Variants in PCSK2 observed in about 807,000 individuals in gnomAD.
PCSK2 encodes the protein neuroendocrine convertase 2.
In PCSK2, 14 loss-of-function variants were observed where a neutral mutation model predicts 69.7. The ratio of observed to expected loss-of-function variants is 0.20; its 90% CI spans 0.13 to 0.31. PCSK2 has a LOEUF of 0.31. PCSK2 is among the 10% of genes least tolerant of loss of function. The pLI, the probability that PCSK2 is intolerant of heterozygous loss-of-function variation, is 1.00. For synonymous variants in PCSK2, 307 were observed against 320.7 expected (o/e 0.96, Z 0.46); for missense variants, 544 against 842.5 (o/e 0.65, Z 4.39).
intron 2 of PCSK2, among the ~76,000 whole-genome samples, chr20:17,272,537 T>G (rs541802171): frequency 1.3e-5 from 2 of 152,240 alleles, no homozygotes; most frequent in African/African-American, 4.8e-5. Context: ...CTGTCAAGAT[T>G]TTATTAGATT....
At chr20:17,325,489 A>G (rs1304655259) in intron 2 of PCSK2, among the ~76,000 whole-genome samples, 1 of 152,184 alleles carries the variant, frequency 6.6e-6, no homozygotes, top group Non-Finnish European at 1.5e-5. Context: ...CCAAAGAAAT[A>G]CTTTTTTAAT....
Position 17,360,656 on chromosome 20 carries a change from C to T in PCSK2, c.505+16C>T. On this transcript the variant is annotated intron_variant, in intron 4 of 11. Coordinates refer to ENST00000262545, the MANE Select transcript of PCSK2 (RefSeq NM_002594.5). ...ATGGATGATGGTGAGTATTTTGAAG[C>T]CTGTGCCTCATTTGGAAATAAGCGT... 6.9e-7 allele frequency: 1 copy of T among 1,446,208 alleles called. No individual in the cohort carries two copies. 89.6% of individuals were successfully genotyped at this position (1,446,208 alleles called of 1,614,324 possible).
At chr20:17,431,553 A>C (rs7260694) in intron 7 of PCSK2, among the ~76,000 whole-genome samples, 73,698 of 151,910 alleles carry the variant, frequency 0.49, 18,523 homozygotes, top group South Asian at 0.67. Context: ...CCAAGAACAG[A>C]CATCCAAAGA....
intron 2 of PCSK2, among the ~76,000 whole-genome samples, chr20:17,347,848 GAAAGAAAGA>G: frequency 9.1e-6 from 1 of 110,208 alleles, no homozygotes; most frequent in Non-Finnish European, 1.9e-5. Context: ...AAGAAAGAAA[GAAAGAAAGA>G]AAGAGGAGAG....
At chr20:17,367,151 A>C (rs954672843) in intron 4 of PCSK2, among the ~76,000 whole-genome samples, 9 of 152,014 alleles carry the variant, frequency 5.9e-5, no homozygotes. Context: ...AATTATCAAA[A>C]TTTTTCACCC....
intron 2 of PCSK2, among the ~76,000 whole-genome samples, chr20:17,303,558 T>TATTTAATAAA (rs1989225738): frequency 1.9e-5 from 2 of 104,116 alleles, no homozygotes; most frequent in African/African-American, 7.7e-5. Context: ...ATATAATATA[T>TATTTAATAAA]ATTATATAAT....
chr20:17,276,473 CACACACAT>C (rs1017541588), intron 2 of PCSK2, among the ~76,000 whole-genome samples: 1 of 151,844 alleles, frequency 6.6e-6, no homozygotes, highest in Non-Finnish European at 1.5e-5. Context: ...CACACACACA[CACACACAT>C]ACCATGTTTA....
intron 11 of PCSK2, among the ~76,000 whole-genome samples, chr20:17,472,666 A>C (rs1371775254): frequency 3.9e-5 from 6 of 152,152 alleles, no homozygotes; most frequent in Non-Finnish European, 8.8e-5. Context: ...GCCCAGGTTC[A>C]AGCAATTCTC....
intron 2 of PCSK2, among the ~76,000 whole-genome samples, chr20:17,332,843 T>G (rs982594225): frequency 2.0e-5 from 3 of 152,212 alleles, no homozygotes; most frequent in Non-Finnish European, 4.4e-5. Flanking sequence ...GCCTTTATTT[T>G]ACTATATATG....
chr20:17,319,039 A>G lies in PCSK2; in HGVS notation c.283-39288A>G, dbSNP rs1198364773. ...AGAAAAACATATTTTTTCATCAGAT[A>G]GGATGTAATCAACCAAGAATTAATC... On this transcript the variant is annotated intron_variant, in intron 2 of 11. Transcript: ENST00000262545. 2.0e-5 allele frequency among the ~76,000 whole-genome samples: 3 copies of G among 152,256 alleles called. No individual in the cohort carries two copies. The East Asian group carries it at 5.8e-4, about 29-fold the overall frequency.
intron 10 of PCSK2, among the ~76,000 whole-genome samples, chr20:17,457,326 C>T (rs925403239): frequency 6.6e-6 from 1 of 152,160 alleles, no homozygotes; most frequent in African/African-American, 2.4e-5. Context: ...GCATCAATCT[C>T]TAGGCAGCCC....
chr20:17,242,877 C>T (rs1208909212), intron 1 of PCSK2, among the ~76,000 whole-genome samples: 2 of 152,282 alleles, frequency 1.3e-5, no homozygotes, highest in South Asian at 2.1e-4. Context: ...AATAATGTGG[C>T]TTGTTTGCCT....
At chr20:17,348,103 G>GAAAGAA (rs1568612799) in intron 2 of PCSK2, among the ~76,000 whole-genome samples, 3 of 143,090 alleles carry the variant, frequency 2.1e-5, no homozygotes, top group Non-Finnish European at 4.6e-5. Context: ...AAGAAAGAAA[G>GAAAGAA]AAAAGAAAAG....
intron 5 of PCSK2, among the ~76,000 whole-genome samples, chr20:17,385,796 G>T (rs2031219299): frequency 6.6e-6 from 1 of 152,112 alleles, no homozygotes. Flanking sequence ...TCCTACTGTG[G>T]GCAACAGGAG....
chr20:17,440,827 A>T (rs1568651462), intron 8 of PCSK2, among the ~76,000 whole-genome samples: 5 of 149,630 alleles, frequency 3.3e-5, no homozygotes, highest in Admixed American at 2.7e-4. Context: ...ATGCCATTGC[A>T]CTCCAGTCTG....
intron 11 of PCSK2, among the ~76,000 whole-genome samples, chr20:17,470,065 A>C (rs2033174298): frequency 6.6e-6 from 1 of 152,182 alleles, no homozygotes; most frequent in Non-Finnish European, 1.5e-5. Context: ...CACTGTCCAA[A>C]TGGGGGATTT....
intron 5 of PCSK2, among the ~76,000 whole-genome samples, chr20:17,389,656 T>A (rs1051584143): frequency 6.6e-6 from 1 of 152,174 alleles, no homozygotes; most frequent in African/African-American, 2.4e-5. Context: ...ATCTCTCTAA[T>A]CTGGGGAGCT....
chr20:17,265,051 A>G (rs543452376), intron 2 of PCSK2, among the ~76,000 whole-genome samples: 38 of 152,106 alleles, frequency 2.5e-4, no homozygotes, highest in Non-Finnish European at 4.9e-4. Context: ...TTTGGTAGAG[A>G]TACGGTTTCA....
intron 2 of PCSK2, 97 bp downstream of exon 2, chr20:17,260,441 G>A: frequency 1.3e-6 from 1 of 781,124 alleles, no homozygotes. Context: ...TTGAAGTAAA[G>A]GCACTTAATG....
Sources: allele counts gnomAD v4.1 joint callset (sites outside exome capture counted in the v4.1 genomes callset), GRCh38; gene constraint gnomAD v4.1.1; transcripts MANE v1.5; gene names NCBI Gene and HGNC (gene_info 2026-07-23, HGNC 2026-07-21).